Variants in HLA-DOA observed in about 807,000 individuals in gnomAD.
HLA-DOA encodes the protein HLA class II histocompatibility antigen, DO alpha chain.
Under a neutral mutation model 22.9 loss-of-function variants are expected in HLA-DOA, and 27 were observed. The observed-to-expected ratio is 1.18, with a 90% confidence interval of 0.87 to 1.62. The LOEUF is 1.62. Among genes scored for constraint, HLA-DOA ranks in the 40% most tolerant of loss-of-function variants. HLA-DOA has a pLI of 0.00. For missense variants in HLA-DOA, 324 were observed against 332.4 expected (o/e 0.97, Z 0.20); for synonymous variants, 137 against 138.6 (o/e 0.99, Z 0.08).
In HLA-DOA at chr6:33,008,315, T is replaced by C. The variant is rs1302766143; in HGVS notation, c.83-54A>G. ...GAGAGAAAAAAATGTGTCTGTCTCA[T>C]CCACAATATGTGATTGTTGAGTCCC... On this transcript the variant is annotated intron_variant, in intron 1 of 4. Coordinates refer to ENST00000229829, the MANE Select transcript of HLA-DOA (RefSeq NM_002119.4). 8.2e-6 allele frequency: 13 copies of C among 1,589,686 alleles called. No individual in the cohort carries two copies. In the Admixed American group the frequency reaches 2.2e-4, roughly 27 times the overall value.
chr6:33,007,788 T>C, intron 2 of HLA-DOA, 196 bp from the exon 3 acceptor site: 2 of 821,904 alleles, frequency 2.4e-6, no homozygotes, highest in East Asian at 5.4e-5. Flanking sequence ...AGCTCCTATA[T>C]TTGACTGGTC....
chr6:33,007,534 G>A lies in HLA-DOA; in HGVS notation c.390C>T (p.Ile130=), dbSNP rs764133652. ...AGATGTTGTCCACGATGCAGATGAG[G>A]ATGTTGGGCTGGCCCAGCTCCACCC... ...KSRVELGQPN[I]LICIVDNIFP... is the part of the protein sequence containing the mutation. Residue 130 remains isoleucine (I), a synonymous_variant, in exon 3 of 5, where the codon ATC becomes ATT. Coordinates refer to ENST00000229829, the MANE Select transcript of HLA-DOA (RefSeq NM_002119.4). 22 of 1,612,910 alleles carry A rather than the reference G, an allele frequency of 1.4e-5. No individual in the cohort carries two copies. Among genetic ancestry groups the A allele is most frequent in the East Asian group, 2.2e-5 (1 of 44,892 alleles).
chr6:33,007,058 C>G (rs764852037), intron 4 of HLA-DOA, 22 bp downstream of exon 4: 1 of 1,596,442 alleles, frequency 6.3e-7, no homozygotes, highest in Non-Finnish European at 8.5e-7. Context: ...CCCCACCCCC[C>G]AGACTCCCGG....
Position 33,007,563 on chromosome 6 carries a change from A to C in HLA-DOA, c.361T>G (p.Ser121Ala), listed in dbSNP as rs1780874309. 9 of 1,612,654 alleles carry C rather than the reference A, an allele frequency of 5.6e-6. No individual in the cohort carries two copies. The East Asian group carries it at 2.0e-4, about 36-fold the overall frequency. Reference sequence around the variant, plus strand: ...TTGGGCTGGCCCAGCTCCACCCGAGACTTGGGGAGCACGGTCACCCGTGGA... The same window carrying C: ...TTGGGCTGGCCCAGCTCCACCCGAGCCTTGGGGAGCACGGTCACCCGTGGA... ...VPPRVTVLPK[S>A]RVELGQPNIL... The change falls in exon 3 of 5, where the codon TCT becomes GCT. Residue 121 changes from serine (S) to alanine (A), a missense_variant. Transcript: ENST00000229829.
Position 33,008,083 on chromosome 6 carries a change from G to T in HLA-DOA, c.261C>A (p.Ala87=). ...FARFDPQGGL[A]GIAAIKAHLD... is the part of the protein sequence containing the mutation. ...GATGGGCTTTGATTGCGGCGATGCC[G>T]GCCAGCCCGCCCTGCGGGTCAAAGC... Residue 87 remains alanine, a synonymous_variant, in exon 2 of 5, where the codon GCC becomes GCA. Transcript: ENST00000229829. 1.2e-6 allele frequency: 2 copies of T among 1,613,054 alleles called. No individual in the cohort carries two copies. The highest frequency in any genetic ancestry group is 1.7e-6 in the Non-Finnish European group (2 of 1,180,036).
At chr6:33,006,917 C>T in intron 4 of HLA-DOA, 76 bp from the exon 5 acceptor site, 2 of 1,441,254 alleles carry the variant, frequency 1.4e-6, no homozygotes, top group Non-Finnish European at 2.0e-6. Context: ...GTGCCCACCT[C>T]CCCCAAAACC....
rs966005726 is a variant in HLA-DOA at position 33,006,136 on chromosome 6, C to G, written c.*702G>C. On this transcript the variant is annotated 3_prime_UTR_variant, in exon 5 of 5. Transcript: ENST00000229829. ...CTCTACCACCTCCTACCTAACATGA[C>G]TGACTCCACTGAGGGAAGTGGCCAC... 6.6e-6 allele frequency: 1 copy of G among 152,460 alleles called. No individual in the cohort carries two copies. Among genetic ancestry groups the G allele is most frequent in the African/African-American group, 2.4e-5 (1 of 41,428 alleles). The allele number at this position is 152,460 out of a possible 1,614,324, so 9.4% of individuals were successfully genotyped here.
At position 33,007,445 on chromosome 6, in the gene HLA-DOA, T is replaced by C. The variant is rs759316131; in HGVS notation, c.479A>G (p.Gln160Arg). 5 of 1,611,056 alleles carry C rather than the reference T, an allele frequency of 3.1e-6. No homozygotes were observed. Among genetic ancestry groups the C allele is most frequent in the Non-Finnish European group, 3.4e-6 (4 of 1,179,024 alleles). Residue 160 changes from glutamine (Q) to arginine (R), a missense_variant, in exon 3 of 5, where the codon CAG becomes CGG. Coordinates refer to ENST00000229829, the MANE Select transcript of HLA-DOA (RefSeq NM_002119.4). ...NGQTVTEGVAQTSFYSQPDHL... is the reference protein window; with the variant it reads ...NGQTVTEGVARTSFYSQPDHL... ...GTCAGGCTGGGAATAGAAGCTGGTC[T>C]GGGCCACTCCCTCAGTGACAGTTTG... is the stretch of plus-strand genomic sequence containing the variant.
Position 33,006,770 on chromosome 6 carries a change from A to G in HLA-DOA, c.*68T>C. On this transcript the variant is annotated 3_prime_UTR_variant, in exon 5 of 5. Coordinates refer to ENST00000229829, the MANE Select transcript of HLA-DOA (RefSeq NM_002119.4). Reference sequence around the variant, plus strand: ...TGCACTTAAAGGGCACTGAGCACGCAGGGGCTGTCACAAACCCATGAGGAT... The same window carrying G: ...TGCACTTAAAGGGCACTGAGCACGCGGGGGCTGTCACAAACCCATGAGGAT... The G allele has an allele frequency of 6.2e-7, 1 of 1,612,854 alleles. No homozygotes were observed. Among genetic ancestry groups the G allele is most frequent in the Non-Finnish European group, 8.5e-7 (1 of 1,179,826 alleles).
At position 33,007,125 on chromosome 6, in the gene HLA-DOA, C is replaced by T. The variant is rs1168834668; in HGVS notation, c.704G>A (p.Gly235Asp). ...LAIGLVGFLVGTVLIIMGTYV... is the reference protein window; with the variant it reads ...LAIGLVGFLVDTVLIIMGTYV... ...TGTGCCCATGATGATGAGGACGGTG[C>T]CCACGAGGAAGCCCACCAGGCCGAT... Residue 235 changes from glycine (G) to aspartate (D), a missense_variant, in exon 4 of 5, where the codon GGC becomes GAC. Coordinates refer to ENST00000229829, the MANE Select transcript of HLA-DOA (RefSeq NM_002119.4). 6.2e-7 allele frequency: 1 copy of T among 1,613,840 alleles called. No individual in the cohort carries two copies. Among genetic ancestry groups the T allele is most frequent in the Non-Finnish European group, 8.5e-7 (1 of 1,179,994 alleles).
At chr6:33,008,763 A>C (rs1075893) in intron 1 of HLA-DOA, among the ~76,000 whole-genome samples, 2,486 of 152,242 alleles carry the variant, frequency 0.016, 39 homozygotes, top group Middle Eastern at 0.044. Context: ...GGATAGGGAG[A>C]GGCAACTCAA....
Position 33,005,783 on chromosome 6 carries a change from G to C in HLA-DOA, c.*1055C>G, listed in dbSNP as rs1780785824. On this transcript the variant is annotated 3_prime_UTR_variant, in exon 5 of 5. Transcript: ENST00000229829. Reference sequence around the variant, plus strand: ...CTTTGTAGAGATGGGGTCTCTCTATGTAGCCCAAGATGGTTTCCACCTCTT... The same window carrying C: ...CTTTGTAGAGATGGGGTCTCTCTATCTAGCCCAAGATGGTTTCCACCTCTT... 1 of 152,038 alleles carries C rather than the reference G, an allele frequency of 6.6e-6. No individual in the cohort carries two copies. The highest frequency in any genetic ancestry group is 1.5e-5 in the Non-Finnish European group (1 of 68,024). 9.4% of individuals were successfully genotyped at this position (152,038 alleles called of 1,614,324 possible).
At position 33,007,371 on chromosome 6, in the gene HLA-DOA, C is replaced by T. The variant is rs765200524; in HGVS notation, c.553G>A (p.Asp185Asn). Residue 185 changes from aspartate (D) to asparagine (N), a missense_variant, in exon 3 of 5, where the codon GAC becomes AAC. By Grantham distance (23) the Asp-to-Asn change is conservative. Coordinates refer to ENST00000229829, the MANE Select transcript of HLA-DOA (RefSeq NM_002119.4). ...TGCTCCACCTGGCAGTCATAGACGTCCTCGGCTGAGGGCACGAAGGGCAGG... is the reference window on the plus strand; with the variant it reads ...TGCTCCACCTGGCAGTCATAGACGTTCTCGGCTGAGGGCACGAAGGGCAGG... ...HYLPFVPSAE[D>N]VYDCQVEHWG... is the part of the protein sequence containing the mutation. 1 of 1,607,734 alleles carries T rather than the reference C, an allele frequency of 6.2e-7. No homozygotes were observed. Among genetic ancestry groups the T allele is most frequent in the Non-Finnish European group, 8.5e-7 (1 of 1,176,456 alleles).
intron 1 of HLA-DOA, chr6:33,008,519 T>A: frequency 1.1e-6 from 1 of 920,040 alleles, no homozygotes; most frequent in Non-Finnish European, 1.5e-6. Flanking sequence ...AGGGACTGCC[T>A]AAAATCATGC....
rs937806539 is a variant in HLA-DOA at position 33,009,172 on chromosome 6, C to T, written c.82+283G>A. The stretch of plus-strand genomic sequence containing the variant: ...GAGAAATCAGGGTGCTTGCTGGCAT[C>T]TGTTGGGTGGAGGTTTGGGTCTCAG... On this transcript the variant is annotated intron_variant, in intron 1 of 4. Transcript: ENST00000229829. This position sits in a 1 kb window ranked among gnomAD's most constrained non-coding sequence, Gnocchi z 4.8. 6.6e-6 allele frequency among the ~76,000 whole-genome samples: 1 copy of T among 152,096 alleles called. No homozygotes were observed. Among genetic ancestry groups the T allele is most frequent in the Non-Finnish European group, 1.5e-5 (1 of 68,016 alleles).
In HLA-DOA at chr6:33,007,607, C is replaced by T; in HGVS notation, c.332-15G>A. 1 of 1,602,410 alleles carries T rather than the reference C, an allele frequency of 6.2e-7. No individual in the cohort carries two copies. The highest frequency in any genetic ancestry group is 1.3e-5 in the African/African-American group (1 of 74,900). The stretch of plus-strand genomic sequence containing the variant: ...CCGTGGAGGCACTAGGAGGAACAGG[C>T]CCTGAGTCCACAGGCTCATCCCTCA... On this transcript the variant is annotated splice_polypyrimidine_tract_variant and intron_variant, in intron 2 of 4. Transcript: ENST00000229829.
In HLA-DOA at chr6:33,009,563, G is replaced by A; in HGVS notation, c.-27C>T. The A allele has an allele frequency of 6.5e-7, 1 of 1,539,974 alleles. No homozygotes were observed. The highest frequency in any genetic ancestry group is 8.8e-7 in the Non-Finnish European group (1 of 1,135,902). On this transcript the variant is annotated 5_prime_UTR_variant, in exon 1 of 5. Coordinates refer to ENST00000229829, the MANE Select transcript of HLA-DOA (RefSeq NM_002119.4). This position sits in a 1 kb window ranked among gnomAD's most constrained non-coding sequence, Gnocchi z 4.8. ...ACACTCTGGTGCTTTAATCAAATCAGTCTCAGTCCGTGTGGTGAGGACAGG... is the reference window on the plus strand; with the variant it reads ...ACACTCTGGTGCTTTAATCAAATCAATCTCAGTCCGTGTGGTGAGGACAGG...
At chr6:33,007,990 G>A (rs770481269) in intron 2 of HLA-DOA, 23 bp downstream of exon 2, 27 of 1,601,772 alleles carry the variant, frequency 1.7e-5, no homozygotes, top group Non-Finnish European at 2.3e-5. Flanking sequence ...GCCTGACTGG[G>A]TGGGCAGAGG....
In HLA-DOA at chr6:33,009,362, G is replaced by T; in HGVS notation, c.82+93C>A. On this transcript the variant is annotated intron_variant, in intron 1 of 4. Coordinates refer to ENST00000229829, the MANE Select transcript of HLA-DOA (RefSeq NM_002119.4). The surrounding 1 kb of genome is among the most constrained non-coding windows in gnomAD (Gnocchi z 4.8). ...GGAAGTTGCCCATAAACCAGAGAGC[G>T]AGAGGAACAAGCATCCTCCATGCCA... 1.2e-6 allele frequency: 1 copy of T among 823,342 alleles called. No homozygotes were observed. The highest frequency in any genetic ancestry group is 1.8e-6 in the Non-Finnish European group (1 of 556,292). 51.0% of individuals were successfully genotyped at this position (823,342 alleles called of 1,614,324 possible). A position where few individuals can be genotyped will look rare whatever the true frequency, so the allele number is the denominator to read the frequency against.
Sources: gnomAD v4.1 joint callset for allele counts (sites outside exome capture counted in the v4.1 genomes callset) on GRCh38, gnomAD v4.1.1 for gene constraint, Gnocchi (gnomAD v3.1) non-coding constraint, MANE v1.5 for transcripts, NCBI Gene and HGNC (gene_info 2026-07-23, HGNC 2026-07-21) for gene names.